The following MYO16 variants were observed in gnomAD, a reference collection of about 807,000 sequenced individuals.
MYO16 encodes unconventional myosin-XVI.
In MYO16, 94 loss-of-function variants were observed where a neutral mutation model predicts 205.3. That is an observed-to-expected ratio of 0.46 (90% confidence interval 0.39 to 0.54). The LOEUF is 0.54. Ranked by LOEUF, MYO16 falls within the 20% of genes least tolerant of loss-of-function variation. The probability of loss-of-function intolerance (pLI) is 0.00; values close to 1 mark genes in which losing one functional copy is unlikely to be tolerated. For missense variants in MYO16, 2,315 were observed against 2,387.5 expected (o/e 0.97, Z 0.63); for synonymous variants, 988 against 954.0 (o/e 1.04, Z -0.66).
upstream of MYO16, among the ~76,000 whole-genome samples, chr13:108,626,728 C>T (rs565871885): frequency 1.7e-4 from 26 of 151,622 alleles, no homozygotes; most frequent in African/African-American, 4.8e-4. Context: ...TGCTTGAAAC[C>T]GGGAGGCAGA....
At chr13:109,045,153 G>A (rs1887000619) in intron 23 of MYO16, among the ~76,000 whole-genome samples, 1 of 152,146 alleles carries the variant, frequency 6.6e-6, no homozygotes, top group Admixed American at 6.6e-5. Flanking sequence ...GCTGGGCACT[G>A]CTGCTCCTAA....
intron 1 of MYO16, among the ~76,000 whole-genome samples, chr13:108,658,198 G>C (rs1392584312): frequency 1.3e-5 from 2 of 152,006 alleles, no homozygotes; most frequent in Non-Finnish European, 2.9e-5. Flanking sequence ...CATTTTGTTT[G>C]TTTGTTTTTA....
chr13:109,130,760 C>A (rs1203104456), intron 31 of MYO16, among the ~76,000 whole-genome samples: 1 of 152,220 alleles, frequency 6.6e-6, no homozygotes, highest in African/African-American at 2.4e-5. Flanking sequence ...TTGATCCTAG[C>A]ATGTTAGACA....
At chr13:109,159,009 A>G (rs952518404) in intron 32 of MYO16, among the ~76,000 whole-genome samples, 4 of 152,210 alleles carry the variant, frequency 2.6e-5, no homozygotes, top group Non-Finnish European at 4.4e-5. Context: ...AACATTCATC[A>G]AATTGATTTT....
At chr13:108,705,589 G>A (rs1594226329) in intron 2 of MYO16, among the ~76,000 whole-genome samples, 1 of 152,056 alleles carries the variant, frequency 6.6e-6, no homozygotes, top group East Asian at 1.9e-4. Context: ...AATTTTATAA[G>A]TGTGTGTGTA....
rs1887062093 is a variant in MYO16, at chr13:109,046,902, T to G, written c.2797-14T>G. Reference sequence around the variant, plus strand: ...TTGAATCATTAGTAATTATGCTGCTTTCTTTTATTCTAGGTAATGTATGAT... The same window carrying G: ...TTGAATCATTAGTAATTATGCTGCTGTCTTTTATTCTAGGTAATGTATGAT... On this transcript the variant is annotated splice_polypyrimidine_tract_variant and intron_variant, in intron 23 of 34. Transcript: ENST00000457511. 1.9e-6 allele frequency: 3 copies of G among 1,588,874 alleles called. No individual in the cohort carries two copies. The highest frequency in any genetic ancestry group is 2.6e-6 in the Non-Finnish European group (3 of 1,158,388).
intron 1 of MYO16, among the ~76,000 whole-genome samples, chr13:108,600,490 C>T (rs150519204): frequency 3.3e-5 from 5 of 152,076 alleles, no homozygotes; most frequent in South Asian, 2.1e-4. Flanking sequence ...TACTGTTGAC[C>T]GTTATACATT....
chr13:108,714,720 A>C (rs1365776398), intron 3 of MYO16, among the ~76,000 whole-genome samples: 1 of 152,040 alleles, frequency 6.6e-6, no homozygotes, highest in Non-Finnish European at 1.5e-5. Context: ...ATACTTGTTG[A>C]CTTTTACTTT....
At chr13:109,146,623 C>CA (rs1165587700) in intron 32 of MYO16, among the ~76,000 whole-genome samples, 11 of 150,930 alleles carry the variant, frequency 7.3e-5, no homozygotes, top group Admixed American at 1.3e-4. Flanking sequence ...CTTGTCTCTA[C>CA]AAAAAAAACA....
At chr13:108,539,246 A>G in the MYO16 span, among the ~76,000 whole-genome samples, 1 of 152,124 alleles carries the variant, frequency 6.6e-6, no homozygotes, top group Non-Finnish European at 1.5e-5. Context: ...CAGACACATA[A>G]TATTCAATAT....
intron 4 of MYO16, among the ~76,000 whole-genome samples, chr13:108,772,591 G>GA (rs576292928): frequency 4.5e-4 from 67 of 147,524 alleles, no homozygotes; most frequent in South Asian, 1.5e-3. Flanking sequence ...CTAAGCCTTG[G>GA]AAAAAAAAAA....
intron 23 of MYO16, among the ~76,000 whole-genome samples, chr13:109,023,709 A>ATAAATATATATGTATATATGTATATAT (rs1555325353): frequency 8.1e-6 from 1 of 124,144 alleles, no homozygotes; most frequent in Admixed American, 9.2e-5. Context: ...ATATGTATAT[A>ATAAATATATATGTATATATGTATATAT]TACAAATATA....
intron 2 of MYO16, among the ~76,000 whole-genome samples, chr13:108,679,970 G>C (rs1882393300): frequency 6.6e-6 from 1 of 152,056 alleles, no homozygotes; most frequent in Non-Finnish European, 1.5e-5. Flanking sequence ...AACTTTGTAT[G>C]TTCTAGTCCC....
At chr13:108,988,659 C>T (rs997056063) in intron 20 of MYO16, among the ~76,000 whole-genome samples, 7 of 152,260 alleles carry the variant, frequency 4.6e-5, no homozygotes, top group African/African-American at 1.7e-4. Context: ...AATTTGCCAT[C>T]CTTGTAAGGG....
chr13:108,575,814 A>G, the MYO16 span, among the ~76,000 whole-genome samples: 9 of 152,076 alleles, frequency 5.9e-5, no homozygotes, highest in Non-Finnish European at 1.2e-4. Flanking sequence ...CCAGCCCTGT[A>G]CCTGGCAAGG....
chr13:109,181,637 T>A (rs1879454950), intron 34 of MYO16, among the ~76,000 whole-genome samples: 1 of 152,068 alleles, frequency 6.6e-6, no homozygotes, highest in African/African-American at 2.4e-5. Flanking sequence ...TTATGGTAGA[T>A]AAAGAAAAGA....
chr13:109,185,170 A>C lies in MYO16; in HGVS notation c.5415+5537A>C, dbSNP rs1245405344. Among the ~76,000 whole-genome samples the C allele has an allele frequency of 4.6e-5, 7 of 152,352 alleles. No individual in the cohort carries two copies. The East Asian group carries it at 1.3e-3, about 29-fold the overall frequency. On this transcript the variant is annotated intron_variant, in intron 34 of 34. Transcript: ENST00000457511. ...TAGCAATATTATTGTATAGTGGAGG[A>C]GTAACAAAGTAATTAGAAACATTTG...
chr13:108,765,926 G>A (rs1304715912), intron 4 of MYO16, among the ~76,000 whole-genome samples: 1 of 152,092 alleles, frequency 6.6e-6, no homozygotes, highest in African/African-American at 2.4e-5. Flanking sequence ...TAATTCAACT[G>A]CTATAAGATT....
intron 20 of MYO16, among the ~76,000 whole-genome samples, chr13:108,988,332 G>A (rs952850862): frequency 1.3e-5 from 2 of 152,128 alleles, no homozygotes; most frequent in East Asian, 1.9e-4. Flanking sequence ...CATAAATGAT[G>A]AAATAAATTA....
Sources: allele counts gnomAD v4.1 joint callset (sites outside exome capture counted in the v4.1 genomes callset), GRCh38; gene constraint gnomAD v4.1.1; transcripts MANE v1.5; gene names NCBI Gene and HGNC (gene_info 2026-07-23, HGNC 2026-07-21).